The following PIK3C2G variants were observed in gnomAD, a reference collection of about 807,000 sequenced individuals.
PIK3C2G encodes phosphatidylinositol 3-kinase C2 domain-containing subunit gamma.
In PIK3C2G, 168 loss-of-function variants were observed where a neutral mutation model predicts 181.1. That is an observed-to-expected ratio of 0.93 (90% confidence interval 0.82 to 1.05). The LOEUF (loss-of-function observed/expected upper bound fraction) is 1.05, where lower values mean the gene tolerates loss of function less well. Ranked by LOEUF, PIK3C2G falls within the 50% of genes least tolerant of loss-of-function variation. PIK3C2G has a pLI of 0.00. For missense variants in PIK3C2G, 1,869 were observed against 1,732.8 expected, an observed-to-expected ratio of 1.08 and a Z score of -1.40; for synonymous variants, 573 against 592.2, an observed-to-expected ratio of 0.97 and a Z score of 0.47.
At chr12:18,642,130 A>G (rs1949874225) in intron 32 of PIK3C2G, among the ~76,000 whole-genome samples, 1 of 152,130 alleles carries the variant, frequency 6.6e-6, no homozygotes, top group African/African-American at 2.4e-5. Flanking sequence ...TCCTCCATTC[A>G]TTCTTTCTTT....
intron 31 of PIK3C2G, among the ~76,000 whole-genome samples, chr12:18,613,303 A>G (rs1316305732): frequency 6.6e-6 from 1 of 151,976 alleles, no homozygotes. Flanking sequence ...ATCTACCCAC[A>G]CTTTCTTAGG....
At chr12:18,360,380 A>G (rs1185609688) in intron 11 of PIK3C2G, among the ~76,000 whole-genome samples, 1 of 152,134 alleles carries the variant, frequency 6.6e-6, no homozygotes, top group Non-Finnish European at 1.5e-5. Context: ...TATCTTTTAA[A>G]TGCTACACCA....
At chr12:18,386,449 T>C (rs1342381512) in intron 14 of PIK3C2G, among the ~76,000 whole-genome samples, 3 of 152,100 alleles carry the variant, frequency 2.0e-5, no homozygotes, top group Non-Finnish European at 4.4e-5. Context: ...CACCTCCTAT[T>C]CCCCCAATCC....
At chr12:18,319,458 C>A (rs1686120368) in intron 6 of PIK3C2G, among the ~76,000 whole-genome samples, 1 of 151,598 alleles carries the variant, frequency 6.6e-6, no homozygotes, top group Non-Finnish European at 1.5e-5. Flanking sequence ...TGTTTTTTTT[C>A]AAGATCTGTT....
chr12:18,614,719 AT>A (rs1301675574), intron 31 of PIK3C2G, among the ~76,000 whole-genome samples: 5 of 152,152 alleles, frequency 3.3e-5, no homozygotes. Context: ...CAAAGATAAT[AT>A]GAATTACTAT....
At chr12:18,645,211 C>T (rs865828873) in intron 32 of PIK3C2G, among the ~76,000 whole-genome samples, 9 of 151,858 alleles carry the variant, frequency 5.9e-5, no homozygotes, top group Admixed American at 3.3e-4. Flanking sequence ...AATCCTTTGA[C>T]GAAAAGGTCT....
At chr12:18,371,639 T>C (rs2137880343) in intron 13 of PIK3C2G, among the ~76,000 whole-genome samples, 1 of 152,308 alleles carries the variant, frequency 6.6e-6, no homozygotes, top group Middle Eastern at 3.4e-3. Context: ...AATATTGTCA[T>C]TTAGAAAGAA....
At chr12:18,396,588 T>C (rs1021004051) in intron 15 of PIK3C2G, among the ~76,000 whole-genome samples, 1 of 151,692 alleles carries the variant, frequency 6.6e-6, no homozygotes, top group African/African-American at 2.4e-5. Context: ...AGCATGATTA[T>C]GTAAAGGTCA....
chr12:18,616,882 CA>C (rs1324280955), intron 31 of PIK3C2G, among the ~76,000 whole-genome samples: 2 of 151,948 alleles, frequency 1.3e-5, no homozygotes, highest in African/African-American at 4.8e-5. Flanking sequence ...GCAAAAAATA[CA>C]AAATGGATTA....
At chr12:18,341,057 G>A (rs148582572) in intron 9 of PIK3C2G, among the ~76,000 whole-genome samples, 2 of 152,222 alleles carry the variant, frequency 1.3e-5, no homozygotes, top group South Asian at 2.1e-4. Context: ...GTTATTCTTC[G>A]ACTTTTATGT....
At chr12:18,723,590 C>A in the PIK3C2G span, 1 of 1,379,420 alleles carries the variant, frequency 7.2e-7, no homozygotes, top group African/African-American at 1.4e-5. Flanking sequence ...ATAAAAAATA[C>A]ATAAAATGAA....
intron 6 of PIK3C2G, 101 bp downstream of exon 6, chr12:18,314,165 A>G (rs1950761220): frequency 1.6e-6 from 1 of 617,246 alleles, no homozygotes; most frequent in Non-Finnish European, 2.9e-6. Context: ...ATATAGCTTA[A>G]TTAATACATG....
At chr12:18,426,864 T>C (rs1945845025) in intron 18 of PIK3C2G, among the ~76,000 whole-genome samples, 1 of 152,208 alleles carries the variant, frequency 6.6e-6, no homozygotes, top group African/African-American at 2.4e-5. Flanking sequence ...AGCAGAACAA[T>C]TCCTCTAGCA....
chr12:18,563,244 G>A, intron 27 of PIK3C2G, 133 bp from the exon 28 acceptor site: 2 of 758,546 alleles, frequency 2.6e-6, no homozygotes, highest in Non-Finnish European at 4.1e-6. Context: ...TTTACAAAAT[G>A]CATCTCCTAG....
intron 8 of PIK3C2G, among the ~76,000 whole-genome samples, chr12:18,334,482 A>G (rs918320440): frequency 6.6e-6 from 1 of 152,078 alleles, no homozygotes; most frequent in South Asian, 2.1e-4. Flanking sequence ...AATACCATCA[A>G]CTACCTTCAC....
intron 15 of PIK3C2G, 96 bp from the exon 16 acceptor site, chr12:18,399,563 A>G: frequency 1.6e-6 from 1 of 609,412 alleles, no homozygotes; most frequent in Non-Finnish European, 2.7e-6. Context: ...AATAAAATTC[A>G]AAGAACTACA....
intron 29 of PIK3C2G, among the ~76,000 whole-genome samples, chr12:18,581,899 A>T (rs1304825298): frequency 1.3e-5 from 2 of 152,120 alleles, no homozygotes; most frequent in African/African-American, 2.4e-5. Flanking sequence ...GATACAGGAG[A>T]ATCAACAAAG....
intron 7 of PIK3C2G, among the ~76,000 whole-genome samples, chr12:18,324,414 G>A (rs1951244282): frequency 6.6e-6 from 1 of 152,184 alleles, no homozygotes; most frequent in Non-Finnish European, 1.5e-5. Flanking sequence ...TCTGAGTTGT[G>A]TGACTTATGA....
At chr12:18,428,464 G>A (rs2135744134) in intron 18 of PIK3C2G, among the ~76,000 whole-genome samples, 1 of 152,034 alleles carries the variant, frequency 6.6e-6, no homozygotes, top group East Asian at 1.9e-4. Flanking sequence ...GCTCACACAG[G>A]TCTTGAGGTC....
Sources: allele counts gnomAD v4.1 joint callset (sites outside exome capture counted in the v4.1 genomes callset), GRCh38; gene constraint gnomAD v4.1.1; transcripts MANE v1.5; gene names NCBI Gene and HGNC (gene_info 2026-07-23, HGNC 2026-07-21).